PARP4: variants seen among roughly 807,000 people sequenced by gnomAD.
PARP4 encodes the protein poly(ADP-ribose) polymerase family member 4.
PARP4 carries 120 observed loss-of-function variants against 187.7 expected under a neutral mutation model. The observed-to-expected ratio is 0.64, with a 90% confidence interval of 0.55 to 0.74. The LOEUF (loss-of-function observed/expected upper bound fraction) is 0.74, where lower values mean the gene tolerates loss of function less well. PARP4 is among the 30% of genes least tolerant of loss of function. PARP4 has a pLI of 0.00. For missense variants in PARP4, 1,836 were observed against 2,070.5 expected, an observed-to-expected ratio of 0.89 and a Z score of 2.20; for synonymous variants, 654 against 740.9, an observed-to-expected ratio of 0.88 and a Z score of 1.90.
At chr13:24,505,585 G>A (rs1488780768) in intron 1 of PARP4, among the ~76,000 whole-genome samples, 2 of 152,126 alleles carry the variant, frequency 1.3e-5, no homozygotes, top group Admixed American at 6.5e-5. Flanking sequence ...GCAAAATAGC[G>A]GGCAGCTTAC....
In PARP4 at chr13:24,469,239, T is replaced by C. The variant is rs1273382810; in HGVS notation, c.2047-129A>G. 9 of 641,800 alleles carry C rather than the reference T, an allele frequency of 1.4e-5. No individual in the cohort carries two copies. The Admixed American group carries it at 2.4e-4, about 17-fold the overall frequency. 39.8% of individuals were successfully genotyped at this position (641,800 alleles called of 1,614,324 possible). A position where few individuals can be genotyped will look rare whatever the true frequency, so the allele number is the denominator to read the frequency against. On this transcript the variant is annotated intron_variant, in intron 16 of 33. Transcript: ENST00000381989. Reference sequence around the variant, plus strand: ...AACTGAGTCTAAGGTGAATGGAAACTTAAATGAAGTGATCATCGAAATATA... The same window carrying C: ...AACTGAGTCTAAGGTGAATGGAAACCTAAATGAAGTGATCATCGAAATATA...
At chr13:24,443,197 C>T (rs73172121) in intron 28 of PARP4, among the ~76,000 whole-genome samples, 27 of 118,046 alleles carry the variant, frequency 2.3e-4, no homozygotes, top group Non-Finnish European at 2.5e-4. Flanking sequence ...TGGGCAGTCC[C>T]GGTGGCCTGG....
intron 27 of PARP4, among the ~76,000 whole-genome samples, chr13:24,444,315 C>A (rs1271683872): frequency 6.6e-6 from 1 of 152,310 alleles, no homozygotes; most frequent in East Asian, 1.9e-4. Flanking sequence ...ATTTTACCTT[C>A]TTTCCCCCTT....
At chr13:24,492,340 T>C (rs1312389509) in intron 9 of PARP4, 81 bp downstream of exon 9, 1 of 943,422 alleles carries the variant, frequency 1.1e-6, no homozygotes, top group Non-Finnish European at 1.6e-6. Context: ...GATTCAGTGT[T>C]ACCTCATTCA....
intron 1 of PARP4, among the ~76,000 whole-genome samples, chr13:24,506,194 G>A (rs1475905076): frequency 2.0e-5 from 3 of 151,540 alleles, no homozygotes; most frequent in Non-Finnish European, 3.0e-5. Flanking sequence ...GCAGACCCTC[G>A]CAGTGAGCGT....
Position 24,455,046 on chromosome 13 carries a change from T to G in PARP4, c.2729A>C (p.Gln910Pro). 6.2e-7 allele frequency: 1 copy of G among 1,609,974 alleles called. No homozygotes were observed. The highest frequency in any genetic ancestry group is 8.5e-7 in the Non-Finnish European group (1 of 1,176,710). Reference sequence around the variant, plus strand: ...GCCGAACTGGATAATATTTACTTTCTGCTTCTCACCCACCAAGGACAGCGC... The same window carrying G: ...GCCGAACTGGATAATATTTACTTTCGGCTTCTCACCCACCAAGGACAGCGC... ...LHALSLVGEK[Q>P]KVNIIQFGTG... Residue 910 changes from glutamine to proline, a missense_variant, in exon 22 of 34, where the codon CAG (glutamine) becomes CCG (proline). Gln to Pro is a moderately conservative substitution (Grantham distance 76). Transcript: ENST00000381989.
intron 32 of PARP4, 104 bp from the exon 33 acceptor site, chr13:24,426,702 A>C: frequency 1.0e-6 from 1 of 987,122 alleles, no homozygotes; most frequent in African/African-American, 1.7e-5. Context: ...CATCTGGCTA[A>C]CACAATGAAA....
intron 15 of PARP4, 77 bp from the exon 16 acceptor site, chr13:24,470,102 G>T (rs768047326): frequency 1.3e-5 from 17 of 1,329,396 alleles, no homozygotes; most frequent in South Asian, 2.7e-5. Context: ...GAACGAAAAT[G>T]ATTTTGCATA....
At chr13:24,439,422 A>T (rs1390451445) in intron 30 of PARP4, among the ~76,000 whole-genome samples, 1 of 152,208 alleles carries the variant, frequency 6.6e-6, no homozygotes, top group Non-Finnish European at 1.5e-5. Context: ...AGAAGAAAAT[A>T]AAAGCCATAC....
chr13:24,501,885 A>T, intron 2 of PARP4, 51 bp from the exon 3 acceptor site: 1 of 1,050,626 alleles, frequency 9.5e-7, no homozygotes, highest in South Asian at 1.4e-5. Flanking sequence ...ACAACATTTA[A>T]ATAAGATATT....
intron 1 of PARP4, 105 bp downstream of exon 1, chr13:24,512,601 C>T (rs1317862996): frequency 6.6e-6 from 1 of 152,436 alleles, no homozygotes; most frequent in Non-Finnish European, 1.5e-5. Flanking sequence ...GCCAACGCCG[C>T]GCAGGGCAAG....
chr13:24,434,029 G>A (rs1298143659), intron 31 of PARP4, among the ~76,000 whole-genome samples: 1 of 152,164 alleles, frequency 6.6e-6, no homozygotes, highest in African/African-American at 2.4e-5. Context: ...CTTCACAGTG[G>A]GAAATTTATG....
At chr13:24,430,361 A>G (rs1174590723) in intron 32 of PARP4, among the ~76,000 whole-genome samples, 1 of 152,202 alleles carries the variant, frequency 6.6e-6, no homozygotes, top group African/African-American at 2.4e-5. Context: ...ATTTAAAAAA[A>G]AAATCTCCAG....
At chr13:24,484,467 C>G (rs753596300) in intron 12 of PARP4, among the ~76,000 whole-genome samples, 186 bp downstream of exon 12, 1 of 152,164 alleles carries the variant, frequency 6.6e-6, no homozygotes, top group African/African-American at 2.4e-5. Flanking sequence ...GCCACCATGT[C>G]TGGCATAAGG....
chr13:24,500,083 T>C (rs563302478), intron 4 of PARP4, among the ~76,000 whole-genome samples: 1 of 152,236 alleles, frequency 6.6e-6, no homozygotes, highest in East Asian at 1.9e-4. Flanking sequence ...GGTTTTCTTT[T>C]TAAAAATCAA....
At chr13:24,505,926 G>A (rs1869624310) in intron 1 of PARP4, among the ~76,000 whole-genome samples, 1 of 152,226 alleles carries the variant, frequency 6.6e-6, no homozygotes, top group African/African-American at 2.4e-5. Flanking sequence ...TTGGGACTAA[G>A]CTGAGTTGCT....
intron 32 of PARP4, among the ~76,000 whole-genome samples, chr13:24,431,014 T>C (rs1263457355): frequency 6.6e-6 from 1 of 152,244 alleles, no homozygotes; most frequent in Non-Finnish European, 1.5e-5. Context: ...AGCCACAGTA[T>C]GGAAGGAGTC....
chr13:24,445,094 G>A (rs112099285), intron 27 of PARP4, among the ~76,000 whole-genome samples: 3,680 of 151,730 alleles, frequency 0.024, 99 homozygotes, highest in African/African-American at 0.065. Context: ...AATCCTACCC[G>A]CCTCTGTACG....
chr13:24,468,006 G>A (rs202103287), intron 17 of PARP4, among the ~76,000 whole-genome samples: 18 of 151,856 alleles, frequency 1.2e-4, no homozygotes, highest in African/African-American at 4.4e-4. Context: ...TTACCCCTTT[G>A]TCTATATTAA....
Sources: gnomAD v4.1 joint callset for allele counts (sites outside exome capture counted in the v4.1 genomes callset) on GRCh38, gnomAD v4.1.1 for gene constraint, MANE v1.5 for transcripts, NCBI Gene and HGNC (gene_info 2026-07-23, HGNC 2026-07-21) for gene names.